PPP1R12A: variants seen among roughly 807,000 people sequenced by gnomAD.
The protein encoded by PPP1R12A is protein phosphatase 1 regulatory subunit 12A, also known as myosin binding subunit.
Under a neutral mutation model 139.6 loss-of-function variants are expected in PPP1R12A, and 19 were observed. The observed-to-expected ratio is 0.14, with a 90% CI of 0.09 to 0.20. The LOEUF is 0.20. Ranked by LOEUF, PPP1R12A falls within the 10% of genes least tolerant of loss-of-function variation. The pLI, the probability that PPP1R12A is intolerant of heterozygous loss-of-function variation, is 1.00. For synonymous variants in PPP1R12A, 427 were observed against 420.6 expected (o/e 1.02, Z -0.19); for missense variants, 925 against 1,211.5 (o/e 0.76, Z 3.51).
intron 1 of PPP1R12A, among the ~76,000 whole-genome samples, chr12:79,888,447 C>T (rs1421271320): frequency 6.6e-6 from 1 of 152,088 alleles, no homozygotes; most frequent in African/African-American, 2.4e-5. Flanking sequence ...AAAGCTACAT[C>T]AGAACCCAGA....
intron 24 of PPP1R12A, 42 bp downstream of exon 24, chr12:79,778,504 AATAC>A: frequency 7.8e-7 from 1 of 1,279,010 alleles, no homozygotes; most frequent in Non-Finnish European, 1.1e-6. Context: ...TTTAAACATT[AATAC>A]ATAAACAGCA....
chr12:79,797,426 G>A, intron 15 of PPP1R12A, 31 bp from the exon 16 acceptor site: 1 of 1,521,930 alleles, frequency 6.6e-7, no homozygotes, highest in Non-Finnish European at 8.8e-7. Flanking sequence ...ATATAATTAT[G>A]AGATGCATTA....
chr12:79,795,505 A>G, intron 18 of PPP1R12A, 133 bp downstream of exon 18: 1 of 994,010 alleles, frequency 1.0e-6, no homozygotes. Flanking sequence ...TTATTTAACA[A>G]CTCAGAAAAC....
At chr12:79,886,953 G>A (rs957606168) in intron 1 of PPP1R12A, among the ~76,000 whole-genome samples, 1 of 152,094 alleles carries the variant, frequency 6.6e-6, no homozygotes, top group African/African-American at 2.4e-5. Flanking sequence ...TGGGGACTTA[G>A]TAAGGGCACA....
intron 17 of PPP1R12A, among the ~76,000 whole-genome samples, chr12:79,796,115 A>G (rs1872481147): frequency 6.6e-6 from 1 of 152,186 alleles, no homozygotes; most frequent in South Asian, 2.1e-4. Flanking sequence ...GGAAATTGGG[A>G]AAAAACTTTA....
At chr12:79,810,172 G>C (rs1205373824) in intron 9 of PPP1R12A, among the ~76,000 whole-genome samples, 162 bp from the exon 10 acceptor site, 1 of 152,088 alleles carries the variant, frequency 6.6e-6, no homozygotes, top group Non-Finnish European at 1.5e-5. Flanking sequence ...AGTAAAAAAT[G>C]TAAAGATCTA....
intron 2 of PPP1R12A, among the ~76,000 whole-genome samples, chr12:79,848,470 A>C (rs1879662776): frequency 6.6e-6 from 1 of 152,148 alleles, no homozygotes; most frequent in South Asian, 2.1e-4. Flanking sequence ...TGCAGCTTGA[A>C]GTACAGAAAG....
At chr12:79,806,102 C>G in intron 13 of PPP1R12A, 64 bp downstream of exon 13, 1 of 1,503,430 alleles carries the variant, frequency 6.7e-7, no homozygotes, top group East Asian at 2.3e-5. Flanking sequence ...ATCTTCTAAA[C>G]AAAAACGCAT....
intron 3 of PPP1R12A, among the ~76,000 whole-genome samples, chr12:79,844,632 A>G (rs1312971009): frequency 6.6e-6 from 1 of 152,196 alleles, no homozygotes; most frequent in Non-Finnish European, 1.5e-5. Flanking sequence ...TCAACACAAG[A>G]GCCAGAGAGA....
chr12:79,894,303 T>C (rs189242179), intron 1 of PPP1R12A, among the ~76,000 whole-genome samples: 1 of 152,282 alleles, frequency 6.6e-6, no homozygotes, highest in African/African-American at 2.4e-5. Context: ...ACTGTGGTAA[T>C]AAAGTCAGGC....
intron 14 of PPP1R12A, among the ~76,000 whole-genome samples, chr12:79,800,828 G>A (rs1205065338): frequency 1.3e-5 from 2 of 151,240 alleles, no homozygotes; most frequent in African/African-American, 2.4e-5. Flanking sequence ...TTGCCTCCTG[G>A]GTTCACACCA....
chr12:79,859,946 T>C (rs1410207840), intron 2 of PPP1R12A, among the ~76,000 whole-genome samples: 1 of 152,170 alleles, frequency 6.6e-6, no homozygotes, highest in Non-Finnish European at 1.5e-5. Context: ...GAGCATTTTA[T>C]AATAGGATAT....
At chr12:79,918,460 T>TG (rs764904919) in intron 1 of PPP1R12A, among the ~76,000 whole-genome samples, 1 of 152,190 alleles carries the variant, frequency 6.6e-6, no homozygotes, top group Non-Finnish European at 1.5e-5. Flanking sequence ...ATCAATACTC[T>TG]GCTGCTGACC....
intron 5 of PPP1R12A, among the ~76,000 whole-genome samples, chr12:79,824,377 C>T (rs1258733240): frequency 2.6e-5 from 4 of 152,114 alleles, no homozygotes; most frequent in South Asian, 4.1e-4. Context: ...AACTACCCCA[C>T]CTTGAAAATG....
intron 6 of PPP1R12A, among the ~76,000 whole-genome samples, chr12:79,821,428 C>T (rs1037657200): frequency 1.3e-5 from 2 of 152,108 alleles, no homozygotes; most frequent in African/African-American, 4.8e-5. Context: ...ATCCACTAAC[C>T]ACTTAGGCTG....
intron 1 of PPP1R12A, among the ~76,000 whole-genome samples, chr12:79,880,722 A>G (rs1883560948): frequency 6.6e-6 from 1 of 152,126 alleles, no homozygotes. Context: ...AAAGGGCCTG[A>G]GCTAAACAAC....
At chr12:79,850,486 T>C (rs1010468340) in intron 2 of PPP1R12A, among the ~76,000 whole-genome samples, 2 of 152,228 alleles carry the variant, frequency 1.3e-5, no homozygotes, top group Non-Finnish European at 1.5e-5. Flanking sequence ...AAAATTTTCA[T>C]CTTTTAAGAA....
upstream of PPP1R12A, chr12:79,935,312 G>A: frequency 1.9e-6 from 2 of 1,046,258 alleles, no homozygotes; most frequent in South Asian, 3.6e-5. Flanking sequence ...GGCCACCAGA[G>A]GGAAGCGGGT....
intron 5 of PPP1R12A, among the ~76,000 whole-genome samples, chr12:79,826,262 T>C (rs747006211): frequency 1.3e-5 from 2 of 151,778 alleles, no homozygotes; most frequent in Non-Finnish European, 2.9e-5. Context: ...GTTAAAAGAA[T>C]TGCATTAGGT....
Sources: gnomAD v4.1 joint callset for allele counts (sites outside exome capture counted in the v4.1 genomes callset) on GRCh38, gnomAD v4.1.1 for gene constraint, MANE v1.5 for transcripts, NCBI Gene and HGNC (gene_info 2026-07-23, HGNC 2026-07-21) for gene names.